The following TARM1 variants were observed in gnomAD, a reference collection of about 807,000 sequenced individuals.
The protein encoded by TARM1 is T-cell-interacting, activating receptor on myeloid cells protein 1.
TARM1 carries 24 observed loss-of-function variants against 30.4 expected under a neutral mutation model. That is an observed-to-expected ratio of 0.79 (90% CI 0.57 to 1.11). TARM1 has a LOEUF of 1.11. Ranked by LOEUF, TARM1 falls within the 50% of genes least tolerant of loss-of-function variation. The probability of loss-of-function intolerance (pLI) is 0.00; values close to 1 mark genes in which losing one functional copy is unlikely to be tolerated. For synonymous variants in TARM1, 129 were observed against 138.9 expected, an observed-to-expected ratio of 0.93 and a Z score of 0.50; for missense variants, 323 against 332.8, an observed-to-expected ratio of 0.97 and a Z score of 0.23.
intron 4 of TARM1, among the ~76,000 whole-genome samples, chr19:54,070,532 T>C (rs1293584846): frequency 6.6e-6 from 1 of 151,870 alleles, no homozygotes; most frequent in Non-Finnish European, 1.5e-5. Context: ...AGTGCTGGGA[T>C]TACAGGTGTG....
chr19:54,074,122 C>A lies in TARM1; in HGVS notation c.456G>T (p.Leu152Phe), dbSNP rs1472099423. 2.6e-6 allele frequency: 4 copies of A among 1,551,722 alleles called. No individual in the cohort carries two copies. Among genetic ancestry groups the A allele is most frequent in the African/African-American group, 2.7e-5 (2 of 73,172 alleles). ...VTLQCQKRDQ[L>F]FVPIMFALLK... ...GTAGAGCGAACATGATAGGCACAAACAATTGGTCTCGCTTCTGGCACTGCA... is the reference window on the plus strand; with the variant it reads ...GTAGAGCGAACATGATAGGCACAAAAAATTGGTCTCGCTTCTGGCACTGCA... The change falls in exon 4 of 5, where the codon TTG becomes TTT. Residue 152 changes from leucine to phenylalanine, a missense_variant. Physicochemically the swap from Leu to Phe is conservative, Grantham distance 22. Transcript: ENST00000432826.
At chr19:54,079,622 C>T (rs773990996) in intron 1 of TARM1, among the ~76,000 whole-genome samples, 1 of 152,140 alleles carries the variant, frequency 6.6e-6, no homozygotes, top group Non-Finnish European at 1.5e-5. Flanking sequence ...GAGGCCAAGG[C>T]AGAAGGGCTG....
chr19:54,073,431 A>G (rs997502435), intron 4 of TARM1, among the ~76,000 whole-genome samples: 56 of 137,728 alleles, frequency 4.1e-4, no homozygotes, highest in Non-Finnish European at 2.4e-4. Context: ...AAAAAAAAAA[A>G]GGCAAAGGAG....
At chr19:54,073,778 C>T in intron 4 of TARM1, 142 bp downstream of exon 4, 7 of 1,094,882 alleles carry the variant, frequency 6.4e-6, no homozygotes, top group South Asian at 1.6e-5. Context: ...CAGGCATGAG[C>T]CACCACGCCA....
At chr19:54,074,342 C>T in intron 3 of TARM1, 126 bp from the exon 4 acceptor site, 1 of 898,748 alleles carries the variant, frequency 1.1e-6, no homozygotes, top group Non-Finnish European at 1.7e-6. Flanking sequence ...CTTCTACCTT[C>T]CTCCACTTCC....
rs1365559288 is a variant in TARM1, at chr19:54,069,905, G to A, written c.*98C>T. The A allele has an allele frequency of 1.1e-6, 1 of 937,902 alleles. No homozygotes were observed. The highest frequency in any genetic ancestry group is 1.7e-5 in the African/African-American group (1 of 60,126). The allele number at this position is 937,902 out of a possible 1,614,324, so 58.1% of individuals were successfully genotyped here. On this transcript the variant is annotated 3_prime_UTR_variant, in exon 5 of 5. Coordinates refer to ENST00000432826, the MANE Select transcript of TARM1 (RefSeq NM_001135686.3). ...TGGGTCTTTGTGACCTGTATGTTGT[G>A]ACCTGTCTCATCCTGTGACTTAGAA... is the stretch of plus-strand genomic sequence containing the variant.
intron 4 of TARM1, among the ~76,000 whole-genome samples, chr19:54,071,982 G>C (rs1235014514): frequency 6.6e-6 from 1 of 152,112 alleles, no homozygotes; most frequent in Admixed American, 6.6e-5. Context: ...CACGAGGTCA[G>C]GAGTTCGAGA....
chr19:54,078,598 C>T (rs986344951), intron 1 of TARM1, among the ~76,000 whole-genome samples: 1 of 151,882 alleles, frequency 6.6e-6, no homozygotes, highest in Non-Finnish European at 1.5e-5. Context: ...AGGCTGTTCT[C>T]GAACTCCTTA....
chr19:54,080,836 G>A (rs587645477), intron 1 of TARM1, among the ~76,000 whole-genome samples: 1 of 152,094 alleles, frequency 6.6e-6, no homozygotes, highest in East Asian at 1.9e-4. Flanking sequence ...AACCAGGCAT[G>A]GTGGCGCACC....
chr19:54,076,610 A>G (rs2071963546), intron 1 of TARM1: 1 of 169,058 alleles, frequency 5.9e-6, no homozygotes, highest in Non-Finnish European at 1.3e-5. Context: ...TGATCCACCC[A>G]CCTCGGCCTC....
intron 1 of TARM1, among the ~76,000 whole-genome samples, chr19:54,079,479 G>A (rs1355609227): frequency 6.6e-6 from 1 of 152,168 alleles, no homozygotes; most frequent in African/African-American, 2.4e-5. Flanking sequence ...AGAAAGATCA[G>A]CATTTGAATC....
At chr19:54,076,089 C>T (rs1357480723) in intron 1 of TARM1, 171 bp from the exon 2 acceptor site, 2 of 1,457,080 alleles carry the variant, frequency 1.4e-6, no homozygotes, top group African/African-American at 2.8e-5. Flanking sequence ...GCTCGACTTC[C>T]AGCTCCTCCA....
intron 1 of TARM1, among the ~76,000 whole-genome samples, chr19:54,080,185 A>T: frequency 7.1e-6 from 1 of 140,892 alleles, no homozygotes; most frequent in African/African-American, 2.6e-5. Flanking sequence ...GCAAGCAAGC[A>T]AGCAAGCAGG....
intron 4 of TARM1, among the ~76,000 whole-genome samples, chr19:54,071,952 G>A (rs900805402): frequency 1.3e-5 from 2 of 151,984 alleles, no homozygotes; most frequent in Non-Finnish European, 2.9e-5. Flanking sequence ...CAGCACTTTG[G>A]GAGGCCCAAG....
intron 4 of TARM1, among the ~76,000 whole-genome samples, chr19:54,071,976 A>G (rs1275102813): frequency 6.6e-6 from 1 of 152,116 alleles, no homozygotes; most frequent in Non-Finnish European, 1.5e-5. Context: ...GCAGATCACG[A>G]GGTCAGGAGT....
chr19:54,072,756 C>G (rs1447103060), intron 4 of TARM1, among the ~76,000 whole-genome samples: 1 of 152,046 alleles, frequency 6.6e-6, no homozygotes, highest in Non-Finnish European at 1.5e-5. Flanking sequence ...GTGAGCGGAT[C>G]ACCTGAGGCC....
Position 54,070,118 on chromosome 19 carries a change from A to T in TARM1, c.701T>A (p.Phe234Tyr). The change falls in exon 5 of 5, where the codon TTC becomes TAC. Residue 234 changes from phenylalanine to tyrosine, a missense_variant. Coordinates refer to ENST00000432826, the MANE Select transcript of TARM1 (RefSeq NM_001135686.3). The stretch of plus-strand genomic sequence containing the variant: ...TACGGCAGCCAGACCCAGTCGTACG[A>T]AGTTACCCAGGGAGTAGTTGCTCGA... ...TTSSNYSLGN[F>Y]VRLGLAAVIV... 1 of 1,551,608 alleles carries T rather than the reference A, an allele frequency of 6.4e-7. No homozygotes were observed. Among genetic ancestry groups the T allele is most frequent in the African/African-American group, 1.4e-5 (1 of 73,134 alleles).
chr19:54,073,843 T>A (rs587756976), intron 4 of TARM1, 77 bp downstream of exon 4: 2 of 1,459,520 alleles, frequency 1.4e-6, no homozygotes, highest in African/African-American at 1.4e-5. Context: ...AATGAAGAAA[T>A]GAGATTCACA....
intron 1 of TARM1, among the ~76,000 whole-genome samples, chr19:54,077,158 G>C (rs1406222241): frequency 1.3e-5 from 2 of 152,012 alleles, no homozygotes; most frequent in Non-Finnish European, 2.9e-5. Flanking sequence ...CGAGGCAGGT[G>C]GATCACGAGG....
Sources: allele counts gnomAD v4.1 joint callset (sites outside exome capture counted in the v4.1 genomes callset), GRCh38; gene constraint gnomAD v4.1.1; transcripts MANE v1.5; gene names NCBI Gene and HGNC (gene_info 2026-07-23, HGNC 2026-07-21).